Variants in TTC6 observed in about 807,000 individuals in gnomAD.
The protein encoded by TTC6 is tetratricopeptide repeat domain 6.
TTC6 carries 172 observed loss-of-function variants against 210.4 expected under a neutral mutation model. That is an observed-to-expected ratio of 0.82 (90% confidence interval 0.72 to 0.93). The LOEUF is 0.93. TTC6 is among the 40% of genes least tolerant of loss of function. TTC6 has a pLI of 0.00. For synonymous variants in TTC6, 804 were observed against 819.6 expected, an observed-to-expected ratio of 0.98 and a Z score of 0.32; for missense variants, 2,414 against 2,318.1, an observed-to-expected ratio of 1.04 and a Z score of -0.85.
intron 1 of TTC6, among the ~76,000 whole-genome samples, chr14:37,629,903 T>C (rs1426926414): frequency 6.6e-6 from 1 of 152,210 alleles, no homozygotes; most frequent in Non-Finnish European, 1.5e-5. Flanking sequence ...ATGTGATGAA[T>C]TATGTTTATT....
intron 11 of TTC6, 133 bp downstream of exon 13, chr14:37,749,534 A>G (rs904346724): frequency 1.2e-5 from 13 of 1,122,840 alleles, no homozygotes; most frequent in African/African-American, 1.6e-5. Flanking sequence ...CAGTATAATT[A>G]TTTGCATTTT....
intron 14 of TTC6, among the ~76,000 whole-genome samples, chr14:37,778,532 G>A (rs2096045028): frequency 6.6e-6 from 1 of 152,174 alleles, no homozygotes; most frequent in Admixed American, 6.5e-5. Context: ...CATTGAGGAA[G>A]GGATGGTGAA....
At chr14:37,748,840 G>C in intron 10 of TTC6, 99 bp from the exon 13 acceptor site, 1 of 936,046 alleles carries the variant, frequency 1.1e-6, no homozygotes, top group Non-Finnish European at 1.5e-6. Context: ...ATTTTGTTTT[G>C]ATAACAAATA....
intron 26 of TTC6, among the ~76,000 whole-genome samples, chr14:37,822,176 CT>C (rs1406100610): frequency 6.6e-6 from 1 of 152,108 alleles, no homozygotes; most frequent in African/African-American, 2.4e-5. Flanking sequence ...ATCATTTTAG[CT>C]TATTATTTTA....
intron 17 of TTC6, 79 bp from the exon 20 acceptor site, chr14:37,795,191 A>G (rs1278316911): frequency 3.3e-6 from 3 of 911,664 alleles, no homozygotes; most frequent in East Asian, 6.1e-5. Context: ...ATTTCTGTAG[A>G]AAGGGTGGGA....
At position 37,704,255 on chromosome 14, in the gene TTC6, A is replaced by G. The variant is rs542015507; in HGVS notation, c.1571+2729A>G. Among the ~76,000 whole-genome samples, 11 of 152,174 alleles carry G rather than the reference A, an allele frequency of 7.2e-5. No homozygotes were observed. The South Asian group carries it at 2.3e-3, about 32-fold the overall frequency. ...TTTTTTGTAGACATAGAGTCTCACT[A>G]TGTTGACCAGGCTGGTCTCGAACTC... On this transcript the variant is annotated intron_variant, in intron 5 of 30. Coordinates refer to ENST00000553443, the Ensembl canonical transcript of TTC6.
intron 5 of TTC6, among the ~76,000 whole-genome samples, chr14:37,710,337 T>C (rs1566903230): frequency 4.6e-5 from 7 of 152,264 alleles, no homozygotes; most frequent in Admixed American, 3.9e-4. Flanking sequence ...ATGTAACTCA[T>C]AGAAGATGTG....
At chr14:37,819,117 T>C (rs2096149520) in intron 26 of TTC6, among the ~76,000 whole-genome samples, 1 of 152,206 alleles carries the variant, frequency 6.6e-6, no homozygotes, top group African/African-American at 2.4e-5. Flanking sequence ...CTAGAATCTC[T>C]ATTGTTCTTT....
intron 6 of TTC6, among the ~76,000 whole-genome samples, chr14:37,715,082 T>A (rs566895211): frequency 2.6e-5 from 4 of 152,092 alleles, no homozygotes; most frequent in African/African-American, 4.8e-5. Context: ...GATGAGGGAA[T>A]CACTTGAGCC....
Position 37,649,010 on chromosome 14 carries a change from C to G in TTC6, c.939+26007C>G, listed in dbSNP as rs528231323. Among the ~76,000 whole-genome samples, 6 of 152,158 alleles carry G rather than the reference C, an allele frequency of 3.9e-5. No individual in the cohort carries two copies. In the East Asian group the frequency reaches 7.7e-4, roughly 20 times the overall value. On this transcript the variant is annotated intron_variant, in intron 1 of 30. Coordinates refer to ENST00000553443, the Ensembl canonical transcript of TTC6. ...TTGGAGATCCACACCTCCCCACCCCCCAGGATATATAGAGTTTCTTAAGAT... is the reference window on the plus strand; with the variant it reads ...TTGGAGATCCACACCTCCCCACCCCGCAGGATATATAGAGTTTCTTAAGAT...
At chr14:37,725,340 A>T (rs1475117773) in intron 7 of TTC6, among the ~76,000 whole-genome samples, 7 of 103,072 alleles carry the variant, frequency 6.8e-5, no homozygotes, top group Non-Finnish European at 1.3e-4. Context: ...ATATATATAT[A>T]TATATATATA....
intron 10 of TTC6, among the ~76,000 whole-genome samples, chr14:37,748,634 A>G (rs1255657596): frequency 1.3e-5 from 2 of 151,978 alleles, no homozygotes; most frequent in Non-Finnish European, 2.9e-5. Flanking sequence ...TCTCCATTGT[A>G]ATTCCTCTGG....
intron 21 of TTC6, among the ~76,000 whole-genome samples, chr14:37,805,453 A>T (rs1430382861): frequency 3.3e-5 from 5 of 150,280 alleles, no homozygotes; most frequent in African/African-American, 1.2e-4. Context: ...ACACACACAC[A>T]AACACACACA....
chr14:37,724,808 C>A, intron 6 of TTC6, 90 bp from the exon 9 acceptor site: 1 of 692,280 alleles, frequency 1.4e-6, no homozygotes, highest in Non-Finnish European at 2.1e-6. Flanking sequence ...AAATTCTCAG[C>A]AACTAAAAAT....
chr14:37,767,316 G>C (rs528983530), intron 14 of TTC6, among the ~76,000 whole-genome samples: 90 of 152,304 alleles, frequency 5.9e-4, no homozygotes, highest in African/African-American at 2.0e-3. Context: ...TATATACCCA[G>C]TAATGGGATG....
intron 3 of TTC6, among the ~76,000 whole-genome samples, chr14:37,685,831 A>T (rs2095792664): frequency 6.6e-6 from 1 of 152,132 alleles, no homozygotes; most frequent in Non-Finnish European, 1.5e-5. Context: ...GAGAGTGGCA[A>T]CTGCAAATAT....
intron 29 of TTC6, among the ~76,000 whole-genome samples, chr14:37,837,939 A>C (rs2096201710): frequency 6.6e-6 from 1 of 152,196 alleles, no homozygotes; most frequent in African/African-American, 2.4e-5. Flanking sequence ...AAATGTGTCC[A>C]TGCCACAGAA....
intron 13 of TTC6, among the ~76,000 whole-genome samples, chr14:37,752,876 G>GT (rs146249849): frequency 0.018 from 2,705 of 148,036 alleles, 74 homozygotes; most frequent in African/African-American, 0.063. Flanking sequence ...GTATATGCCG[G>GT]TTTTTTTTTT....
At chr14:37,748,719 C>T (rs2095943204) in intron 10 of TTC6, among the ~76,000 whole-genome samples, 2 of 152,086 alleles carry the variant, frequency 1.3e-5, no homozygotes, top group African/African-American at 2.4e-5. Context: ...TGTAAGGAGG[C>T]TACATCTTTA....
Sources: allele counts gnomAD v4.1 joint callset (sites outside exome capture counted in the v4.1 genomes callset), GRCh38; gene constraint gnomAD v4.1.1; transcripts MANE v1.5; gene names NCBI Gene and HGNC (gene_info 2026-07-23, HGNC 2026-07-21).